The following CNIH3 variants were observed in gnomAD, a reference collection of about 807,000 sequenced individuals.
CNIH3 encodes the protein cornichon family AMPA receptor auxiliary protein 3.
CNIH3 carries 14 observed loss-of-function variants against 24.1 expected under a neutral mutation model. The observed-to-expected ratio is 0.58, with a 90% confidence interval of 0.38 to 0.91. The LOEUF is 0.91. Ranked by LOEUF, CNIH3 falls within the 40% of genes least tolerant of loss-of-function variation. CNIH3 has a pLI of 0.00. For synonymous variants in CNIH3, 68 were observed against 73.8 expected (o/e 0.92, Z 0.40); for missense variants, 178 against 196.8 (o/e 0.90, Z 0.57).
At chr1:224,539,632 G>T (rs187314945), downstream of CNIH3, among the ~76,000 whole-genome samples, 7 of 152,172 alleles carry the variant, frequency 4.6e-5, no homozygotes, top group Middle Eastern at 3.4e-3. Context: ...TATGCCCCAT[G>T]CTGGTCACTG....
At chr1:224,719,272 CCTT>C (rs1171329245) in intron 3 of CNIH3, among the ~76,000 whole-genome samples, 1 of 152,104 alleles carries the variant, frequency 6.6e-6, no homozygotes, top group Non-Finnish European at 1.5e-5. Context: ...TGAGAAAAAT[CCTT>C]CTTCAGGAGC....
chr1:224,537,720 G>A (rs1170701029), downstream of CNIH3: 2 of 152,090 alleles, frequency 1.3e-5, no homozygotes, highest in Admixed American at 1.3e-4. Flanking sequence ...CACATATAAA[G>A]CACTGTATGC....
At chr1:224,657,432 A>G (rs1685150061) in intron 1 of CNIH3, among the ~76,000 whole-genome samples, 1 of 152,104 alleles carries the variant, frequency 6.6e-6, no homozygotes, top group South Asian at 2.1e-4. Flanking sequence ...AGAGAGAGAG[A>G]GAAATATGCC....
intron 1 of CNIH3, among the ~76,000 whole-genome samples, chr1:224,473,252 A>G (rs556970819): frequency 6.6e-6 from 1 of 152,300 alleles, no homozygotes; most frequent in Admixed American, 6.5e-5. Flanking sequence ...TAAAAGGAAG[A>G]CAGGAAGGAA....
At chr1:224,545,600 T>C (rs935220392) in intron 2 of CNIH3, among the ~76,000 whole-genome samples, 2 of 152,044 alleles carry the variant, frequency 1.3e-5, no homozygotes, top group African/African-American at 2.4e-5. Flanking sequence ...ATAGGAAGGA[T>C]ATAAAGGCAG....
chr1:224,459,589 T>C (rs1675820019), intron 1 of CNIH3, among the ~76,000 whole-genome samples: 1 of 152,208 alleles, frequency 6.6e-6, no homozygotes, highest in South Asian at 2.1e-4. Flanking sequence ...CTTAGAATTA[T>C]TGAATTTGAA....
intron 1 of CNIH3, among the ~76,000 whole-genome samples, chr1:224,619,891 C>T (rs1225056841): frequency 3.3e-5 from 5 of 152,166 alleles, no homozygotes; most frequent in East Asian, 1.9e-4. Context: ...TTGAATTGTA[C>T]GTACCTACTT....
chr1:224,537,774 A>G (rs1203729710), downstream of CNIH3, among the ~76,000 whole-genome samples: 2 of 152,220 alleles, frequency 1.3e-5, no homozygotes, highest in Non-Finnish European at 2.9e-5. Flanking sequence ...TAAGAACAAT[A>G]ACAGCCATTT....
At chr1:224,665,743 G>A (rs1685568675) in intron 1 of CNIH3, among the ~76,000 whole-genome samples, 1 of 152,214 alleles carries the variant, frequency 6.6e-6, no homozygotes, top group Non-Finnish European at 1.5e-5. Context: ...GAAGATGTTT[G>A]TATTTGCAAA....
intron 1 of CNIH3, among the ~76,000 whole-genome samples, chr1:224,487,696 C>T (rs1411733212): frequency 6.6e-6 from 1 of 152,126 alleles, no homozygotes; most frequent in Admixed American, 6.5e-5. Flanking sequence ...GTGAGAAAAG[C>T]GCTATTTGAA....
intron 1 of CNIH3, among the ~76,000 whole-genome samples, chr1:224,624,174 G>C (rs554430338): frequency 1.3e-5 from 2 of 152,328 alleles, no homozygotes; most frequent in South Asian, 2.1e-4. Context: ...CTCAGCACTT[G>C]ATGAGGACAT....
At chr1:224,557,452 G>T (rs1680183911) in intron 3 of CNIH3, among the ~76,000 whole-genome samples, 2 of 152,006 alleles carry the variant, frequency 1.3e-5, no homozygotes, top group South Asian at 2.1e-4. Context: ...GAACTGAGGG[G>T]TTCAAGAGTC....
chr1:224,625,870 GTC>G (rs544081893), intron 1 of CNIH3, among the ~76,000 whole-genome samples: 149 of 152,202 alleles, frequency 9.8e-4, no homozygotes, highest in Non-Finnish European at 2.0e-3. Flanking sequence ...CTGCACGCTA[GTC>G]TCTCCAACAT....
intron 1 of CNIH3, among the ~76,000 whole-genome samples, chr1:224,518,825 C>T (rs540565680): frequency 6.6e-6 from 1 of 152,300 alleles, no homozygotes; most frequent in Admixed American, 6.5e-5. Flanking sequence ...TAGAAGCCAG[C>T]CTTTGGATTT....
intron 1 of CNIH3, among the ~76,000 whole-genome samples, chr1:224,481,058 G>A (rs914049646): frequency 6.6e-6 from 1 of 152,260 alleles, no homozygotes; most frequent in African/African-American, 2.4e-5. Context: ...GCCTGGGGAG[G>A]GGTGACAATC....
At chr1:224,511,412 T>G (rs1010207967), upstream of CNIH3, among the ~76,000 whole-genome samples, 1 of 152,226 alleles carries the variant, frequency 6.6e-6, no homozygotes, top group South Asian at 2.1e-4. Flanking sequence ...AATAGCTGAG[T>G]ATTCTCCACT....
chr1:224,673,373 G>C (rs1685965081), intron 1 of CNIH3, among the ~76,000 whole-genome samples: 1 of 152,092 alleles, frequency 6.6e-6, no homozygotes, highest in Non-Finnish European at 1.5e-5. Context: ...CCTGAGCCTT[G>C]ACCTCCCCTC....
chr1:224,453,072 G>A (rs1418501358), intron 1 of CNIH3, among the ~76,000 whole-genome samples: 1 of 151,468 alleles, frequency 6.6e-6, no homozygotes. Context: ...AGTGAGCTGA[G>A]ATCACGCCAT....
At chr1:224,641,641 C>T (rs998568122) in intron 1 of CNIH3, among the ~76,000 whole-genome samples, 1 of 152,232 alleles carries the variant, frequency 6.6e-6, no homozygotes, top group Admixed American at 6.5e-5. Flanking sequence ...CAGGTGTGGC[C>T]TCTGCCTAGG....
Sources: allele counts gnomAD v4.1 joint callset (sites outside exome capture counted in the v4.1 genomes callset), GRCh38; gene constraint gnomAD v4.1.1; transcripts MANE v1.5; gene names NCBI Gene and HGNC (gene_info 2026-07-23, HGNC 2026-07-21).